Variants in LYRM4 observed in about 807,000 individuals in gnomAD.
LYRM4 encodes the protein LYR motif-containing protein 4.
Under a neutral mutation model 11.7 loss-of-function variants are expected in LYRM4, and 9 were observed. The observed-to-expected ratio is 0.77, with a 90% CI of 0.46 to 1.34. The LOEUF (loss-of-function observed/expected upper bound fraction) is 1.34. Ranked by LOEUF, LYRM4 falls within the 40% of genes most tolerant of loss-of-function variation. The probability of loss-of-function intolerance (pLI) is 0.00; values close to 1 mark genes in which losing one functional copy is unlikely to be tolerated. For synonymous variants in LYRM4, 42 were observed against 40.4 expected, an observed-to-expected ratio of 1.04 and a Z score of -0.15; for missense variants, 133 against 112.5, an observed-to-expected ratio of 1.18 and a Z score of -0.82.
intron 1 of LYRM4, among the ~76,000 whole-genome samples, chr6:5,229,003 C>CAAAAAAAAAAAAAAAAAAA (rs70974180): frequency 2.6e-5 from 1 of 38,000 alleles, no homozygotes; most frequent in African/African-American, 1.1e-4. Context: ...GGCTCAGTCT[C>CAAAAAAAAAAAAAAAAAAA]AAAAAAAAAA....
intron 2 of LYRM4, among the ~76,000 whole-genome samples, chr6:5,116,670 T>G (rs1763132391): frequency 6.6e-6 from 1 of 152,170 alleles, no homozygotes; most frequent in African/African-American, 2.4e-5. Context: ...TGTGCATAAA[T>G]TGGTCATTAA....
At chr6:5,042,407 T>C in the LYRM4 span, 1 of 152,386 alleles carries the variant, frequency 6.6e-6, no homozygotes, top group Non-Finnish European at 1.5e-5. Context: ...TATTTTATTA[T>C]TACAGATTTG....
chr6:5,229,025 A>AC (rs1378075743), intron 1 of LYRM4, among the ~76,000 whole-genome samples: 6 of 151,412 alleles, frequency 4.0e-5, no homozygotes, highest in Non-Finnish European at 8.8e-5. Flanking sequence ...AAAAAAAAAA[A>AC]AGAATATTTC....
chr6:5,041,611 G>A, the LYRM4 span, among the ~76,000 whole-genome samples: 100,983 of 152,134 alleles, frequency 0.66, 36,379 homozygotes, highest in East Asian at 0.95. Context: ...TTAAACTGCT[G>A]TGAATTTTTT....
intron 2 of LYRM4, among the ~76,000 whole-genome samples, chr6:5,214,987 G>A (rs534520168): frequency 1.8e-4 from 27 of 152,188 alleles, no homozygotes; most frequent in Middle Eastern, 6.8e-3. Context: ...GCTCCAGTGC[G>A]TCTGTCCTGG....
chr6:5,035,034 C>T, the LYRM4 span, among the ~76,000 whole-genome samples: 7 of 151,828 alleles, frequency 4.6e-5, no homozygotes, highest in Non-Finnish European at 5.9e-5. Flanking sequence ...ATGAGACCTG[C>T]GTGTTCTACT....
Position 5,171,169 on chromosome 6 carries a change from T to C in LYRM4, c.207+45449A>G, listed in dbSNP as rs553029084. On this transcript the variant is annotated intron_variant, in intron 2 of 2. Coordinates refer to ENST00000330636, the MANE Select transcript of LYRM4 (RefSeq NM_020408.6). The stretch of plus-strand genomic sequence containing the variant: ...AAGATTATGAATATTCTTTCTACCC[T>C]CAAATATTATTACAATAACCACAGA... 4.0e-4 allele frequency among the ~76,000 whole-genome samples: 61 copies of C among 152,306 alleles called. 1 individual carries two copies. Among genetic ancestry groups the C allele is most frequent in the Middle Eastern group, 6.8e-3 (2 of 294 alleles).
At chr6:5,151,154 G>C (rs1758066612) in intron 2 of LYRM4, among the ~76,000 whole-genome samples, 1 of 150,156 alleles carries the variant, frequency 6.7e-6, no homozygotes, top group Admixed American at 6.7e-5. Context: ...CACGATCTTG[G>C]CTCACTGCAA....
At chr6:5,192,553 G>A (rs945631394) in intron 2 of LYRM4, among the ~76,000 whole-genome samples, 3 of 152,168 alleles carry the variant, frequency 2.0e-5, no homozygotes, top group Admixed American at 2.0e-4. Flanking sequence ...AGGCCTTTGA[G>A]TCCCCCACTG....
intron 1 of LYRM4, among the ~76,000 whole-genome samples, chr6:5,219,162 T>C (rs1762442425): frequency 6.6e-6 from 1 of 152,140 alleles, no homozygotes; most frequent in Admixed American, 6.5e-5. Flanking sequence ...TAGCTTAGAA[T>C]AGCTAGGAAA....
At chr6:5,207,652 T>C (rs138193996) in intron 2 of LYRM4, among the ~76,000 whole-genome samples, 3 of 152,358 alleles carry the variant, frequency 2.0e-5, no homozygotes, top group Non-Finnish European at 4.4e-5. Context: ...ATTGGAGCTG[T>C]AGCCTTCAGA....
intron 2 of LYRM4, among the ~76,000 whole-genome samples, chr6:5,207,161 G>A (rs1281858697): frequency 1.3e-5 from 2 of 152,180 alleles, no homozygotes; most frequent in Non-Finnish European, 2.9e-5. Context: ...TTATATCTCA[G>A]GGAGGAAAAA....
chr6:5,039,737 T>C, the LYRM4 span, among the ~76,000 whole-genome samples: 3 of 152,112 alleles, frequency 2.0e-5, no homozygotes, highest in Non-Finnish European at 4.4e-5. Context: ...GAGTTTTAGA[T>C]ATGAAAATTG....
At chr6:5,151,706 CTA>C (rs1758099046) in intron 2 of LYRM4, among the ~76,000 whole-genome samples, 1 of 152,234 alleles carries the variant, frequency 6.6e-6, no homozygotes, top group South Asian at 2.1e-4. Context: ...AGCTGCATGA[CTA>C]GGGGCAGATT....
chr6:5,159,921 AT>A (rs1758650789), intron 2 of LYRM4, among the ~76,000 whole-genome samples: 1 of 152,066 alleles, frequency 6.6e-6, no homozygotes, highest in Non-Finnish European at 1.5e-5. Flanking sequence ...TGCCTTTCTC[AT>A]TTGAAGCCAT....
chr6:5,213,879 C>T (rs950401499), intron 2 of LYRM4, among the ~76,000 whole-genome samples: 7 of 152,190 alleles, frequency 4.6e-5, no homozygotes, highest in African/African-American at 1.4e-4. Flanking sequence ...CTAGCATTAT[C>T]CCGGGGGCTT....
intron 2 of LYRM4, among the ~76,000 whole-genome samples, chr6:5,151,868 G>A (rs376157864): frequency 1.3e-5 from 2 of 152,122 alleles, no homozygotes; most frequent in East Asian, 1.9e-4. Flanking sequence ...TAGAAGATAA[G>A]TTTTTCCTTG....
intron 1 of LYRM4, among the ~76,000 whole-genome samples, chr6:5,234,808 C>G (rs1160655168): frequency 6.6e-6 from 1 of 152,140 alleles, no homozygotes. Context: ...TCTCTGGTAA[C>G]ATTACTAGAT....
chr6:5,103,917 T>A (rs1356777159), downstream of LYRM4: 3 of 149,388 alleles, frequency 2.0e-5, no homozygotes, highest in Non-Finnish European at 4.4e-5. Context: ...ATTACAGGTG[T>A]GAGCCACCAC....
Sources: allele counts gnomAD v4.1 joint callset (sites outside exome capture counted in the v4.1 genomes callset), GRCh38; gene constraint gnomAD v4.1.1; transcripts MANE v1.5; gene names NCBI Gene and HGNC (gene_info 2026-07-23, HGNC 2026-07-21).